Variants in PXT1 observed in about 807,000 individuals in gnomAD.
PXT1 encodes peroxisomal testis-specific protein 1.
A neutral mutation model predicts 11.0 loss-of-function variants in PXT1; 11 were observed. That is an observed-to-expected ratio of 1.00 (90% CI 0.63 to 1.66). The LOEUF (loss-of-function observed/expected upper bound fraction) is 1.66, where lower values mean the gene tolerates loss of function less well. Among genes scored for constraint, PXT1 ranks in the 40% most tolerant of loss-of-function variants. PXT1 has a pLI of 0.00. For missense variants in PXT1, 141 were observed against 155.5 expected, an observed-to-expected ratio of 0.91 and a Z score of 0.49; for synonymous variants, 43 against 51.4, an observed-to-expected ratio of 0.84 and a Z score of 0.70.
chr6:36,393,045 C>T (rs1407703488), intron 4 of PXT1: 1 of 152,384 alleles, frequency 6.6e-6, no homozygotes, highest in Admixed American at 6.5e-5. Context: ...GATCTCGGCT[C>T]ACCACAACCT....
chr6:36,401,744 C>T (rs1382263262), intron 3 of PXT1, among the ~76,000 whole-genome samples: 1 of 151,376 alleles, frequency 6.6e-6, no homozygotes, highest in Non-Finnish European at 1.5e-5. Flanking sequence ...ACTTAAAATT[C>T]AGTTCCTCAA....
At chr6:36,399,857 C>T (rs956147584) in intron 4 of PXT1, among the ~76,000 whole-genome samples, 6 of 152,174 alleles carry the variant, frequency 3.9e-5, no homozygotes, top group Non-Finnish European at 5.9e-5. Context: ...AAGAAACCGG[C>T]CAGGGTAGGG....
chr6:36,392,664 A>T, intron 4 of PXT1, among the ~76,000 whole-genome samples: 1 of 152,168 alleles, frequency 6.6e-6, no homozygotes, highest in Non-Finnish European at 1.5e-5. Context: ...CTGTCTCAAT[A>T]ATAATAATAA....
intron 3 of PXT1, among the ~76,000 whole-genome samples, chr6:36,409,104 T>C (rs1400305659): frequency 1.3e-5 from 2 of 152,204 alleles, no homozygotes; most frequent in Non-Finnish European, 2.9e-5. Context: ...CATCCATTTA[T>C]ACTCCTGATT....
At chr6:36,393,346 T>C (rs986437919) in intron 4 of PXT1, 1 of 153,530 alleles carries the variant, frequency 6.5e-6, no homozygotes, top group Non-Finnish European at 1.5e-5. Flanking sequence ...ACACACGAGA[T>C]GCACTCCTGC....
intron 3 of PXT1, among the ~76,000 whole-genome samples, chr6:36,414,066 A>C (rs1375258436): frequency 6.6e-6 from 1 of 152,230 alleles, no homozygotes; most frequent in Non-Finnish European, 1.5e-5. Context: ...ACATGCAAGG[A>C]CTCAGGAATT....
At chr6:36,398,508 T>C (rs1774173110) in intron 4 of PXT1, among the ~76,000 whole-genome samples, 1 of 152,058 alleles carries the variant, frequency 6.6e-6, no homozygotes, top group South Asian at 2.1e-4. Flanking sequence ...ATAAGCAAAA[T>C]GTGGTATATC....
chr6:36,408,703 CAAAAAA>C (rs60161051), intron 3 of PXT1, among the ~76,000 whole-genome samples: 8 of 113,414 alleles, frequency 7.1e-5, no homozygotes, highest in Admixed American at 9.3e-5. Flanking sequence ...CTGTCTCTAC[CAAAAAA>C]AAAAAAAAAA....
At chr6:36,417,896 G>C (rs1170137471) in intron 3 of PXT1, among the ~76,000 whole-genome samples, 4 of 152,072 alleles carry the variant, frequency 2.6e-5, no homozygotes, top group African/African-American at 9.7e-5. Context: ...CAGCTTGGAG[G>C]CTTAAAAAGT....
intron 4 of PXT1, among the ~76,000 whole-genome samples, chr6:36,394,975 A>T (rs887234358): frequency 6.6e-5 from 10 of 151,972 alleles, no homozygotes; most frequent in South Asian, 2.1e-4. Context: ...TAATTTTTTT[A>T]AAAATTGTTT....
chr6:36,415,879 G>T (rs1561929584), intron 3 of PXT1, among the ~76,000 whole-genome samples: 1 of 152,172 alleles, frequency 6.6e-6, no homozygotes, highest in Non-Finnish European at 1.5e-5. Context: ...GACAGGACAG[G>T]AGATAAGATA....
intron 4 of PXT1, among the ~76,000 whole-genome samples, chr6:36,394,121 G>GA (rs1267025354): frequency 2.6e-5 from 4 of 152,180 alleles, no homozygotes; most frequent in African/African-American, 9.7e-5. Flanking sequence ...TATCAGCTAG[G>GA]AAAACGGAAT....
intron 3 of PXT1, among the ~76,000 whole-genome samples, chr6:36,420,871 G>A (rs1222748794): frequency 6.6e-6 from 1 of 152,046 alleles, no homozygotes; most frequent in Non-Finnish European, 1.5e-5. Flanking sequence ...TGGCCAACAT[G>A]GTGAAACCCC....
chr6:36,396,750 A>G (rs1483696744), intron 4 of PXT1, among the ~76,000 whole-genome samples: 1 of 152,228 alleles, frequency 6.6e-6, no homozygotes, highest in Non-Finnish European at 1.5e-5. Flanking sequence ...AGCAGGGCAG[A>G]TGATGTCCTC....
chr6:36,429,824 T>C (rs1774666589), intron 2 of PXT1, among the ~76,000 whole-genome samples: 1 of 149,116 alleles, frequency 6.7e-6, no homozygotes, highest in Non-Finnish European at 1.5e-5. Flanking sequence ...TATTTTGATA[T>C]ATATTTACGA....
chr6:36,420,511 G>T (rs1367055128), intron 3 of PXT1, among the ~76,000 whole-genome samples: 1 of 152,140 alleles, frequency 6.6e-6, no homozygotes, highest in Non-Finnish European at 1.5e-5. Context: ...AGAAATTCTG[G>T]AAAGATACCT....
chr6:36,430,795 AT>A (rs1009982830), intron 2 of PXT1, among the ~76,000 whole-genome samples: 10 of 151,818 alleles, frequency 6.6e-5, no homozygotes, highest in Non-Finnish European at 8.8e-5. Context: ...GTTTTATTTA[AT>A]TTTTTTTTAA....
At chr6:36,436,106 A>G (rs1166590656) in intron 2 of PXT1, among the ~76,000 whole-genome samples, 1 of 135,140 alleles carries the variant, frequency 7.4e-6, no homozygotes, top group Non-Finnish European at 1.5e-5. Flanking sequence ...TAAAAAAAAA[A>G]GTAAGCCAAA....
intron 3 of PXT1, among the ~76,000 whole-genome samples, chr6:36,404,852 G>C (rs531756539): frequency 6.6e-6 from 1 of 152,272 alleles, no homozygotes; most frequent in Non-Finnish European, 1.5e-5. Flanking sequence ...CAGCTACTAA[G>C]GAGGCCGAGG....
Sources: gnomAD v4.1 joint callset for allele counts (sites outside exome capture counted in the v4.1 genomes callset) on GRCh38, gnomAD v4.1.1 for gene constraint, MANE v1.5 for transcripts, NCBI Gene and HGNC (gene_info 2026-07-23, HGNC 2026-07-21) for gene names.